IL5RA: variants seen among roughly 807,000 people sequenced by gnomAD.
IL5RA encodes interleukin-5 receptor subunit alpha.
Under a neutral mutation model 50.0 loss-of-function variants are expected in IL5RA, and 49 were observed. That is an observed-to-expected ratio of 0.98 (90% CI 0.78 to 1.24). The LOEUF (loss-of-function observed/expected upper bound fraction) is 1.24, where lower values mean the gene tolerates loss of function less well. Among genes scored for constraint, IL5RA ranks in the 50% most tolerant of loss-of-function variants. The pLI is 0.00. For missense variants in IL5RA, 600 were observed against 500.4 expected, an observed-to-expected ratio of 1.20 and a Z score of -1.90; for synonymous variants, 202 against 174.0, an observed-to-expected ratio of 1.16 and a Z score of -1.26.
At chr3:3,090,416 C>T (rs915330899) in intron 9 of IL5RA, among the ~76,000 whole-genome samples, 1 of 152,130 alleles carries the variant, frequency 6.6e-6, no homozygotes, top group Non-Finnish European at 1.5e-5. Flanking sequence ...TGTGTGCCTC[C>T]CCAGGCTGAA....
intron 11 of IL5RA, among the ~76,000 whole-genome samples, chr3:3,072,102 G>T (rs950254889): frequency 6.6e-6 from 1 of 152,206 alleles, no homozygotes; most frequent in Non-Finnish European, 1.5e-5. Context: ...TGTCACCCTT[G>T]TAGCACAGCC....
intron 7 of IL5RA, 50 bp downstream of exon 7, chr3:3,097,820 C>G: frequency 6.4e-7 from 1 of 1,566,832 alleles, no homozygotes; most frequent in Non-Finnish European, 8.7e-7. Context: ...CCTTCCAGTG[C>G]TGAGATTCCG....
At chr3:3,083,909 CG>C (rs1447736887) in intron 9 of IL5RA, among the ~76,000 whole-genome samples, 1 of 151,964 alleles carries the variant, frequency 6.6e-6, no homozygotes, top group African/African-American at 2.4e-5. Context: ...ATTAGCCAGG[CG>C]GGGTGGCATG....
intron 7 of IL5RA, among the ~76,000 whole-genome samples, chr3:3,095,731 C>A (rs539759708): frequency 1.3e-5 from 2 of 151,880 alleles, no homozygotes; most frequent in Non-Finnish European, 2.9e-5. Context: ...CAGCTCATTG[C>A]AAGACTCACC....
At chr3:3,085,036 C>T (rs1452049315) in intron 9 of IL5RA, among the ~76,000 whole-genome samples, 16 of 152,234 alleles carry the variant, frequency 1.1e-4, no homozygotes, top group Admixed American at 7.2e-4. Flanking sequence ...TGAAAGGTCC[C>T]TGTTAGGCCT....
At chr3:3,107,841 AT>A (rs1467595946) in intron 2 of IL5RA, among the ~76,000 whole-genome samples, 8 of 152,214 alleles carry the variant, frequency 5.3e-5, no homozygotes, top group Non-Finnish European at 1.2e-4. Flanking sequence ...GTTTGGTAAA[AT>A]TTTGACAATT....
Position 3,092,815 on chromosome 3 carries a change from C to T in IL5RA, c.856-453G>A, listed in dbSNP as rs1032139207. Among the ~76,000 whole-genome samples, 8 of 152,136 alleles carry T rather than the reference C, an allele frequency of 5.3e-5. No homozygotes were observed. The South Asian group carries it at 6.2e-4, about 12-fold the overall frequency. On this transcript the variant is annotated intron_variant, in intron 8 of 11. Transcript: ENST00000446632. This position sits in a 1 kb window ranked among gnomAD's most constrained non-coding sequence, Gnocchi z 4.2. ...TTTTTCCTTCTACTGATCATGGTCGCCACCATCCAGCTAGTCCCCTGTACC... is the reference window on the plus strand; with the variant it reads ...TTTTTCCTTCTACTGATCATGGTCGTCACCATCCAGCTAGTCCCCTGTACC...
intron 4 of IL5RA, 55 bp downstream of exon 4, chr3:3,102,620 C>T: frequency 8.3e-7 from 1 of 1,198,226 alleles, no homozygotes; most frequent in South Asian, 1.5e-5. Context: ...AAAGAAAATG[C>T]AGTCAAAATG....
chr3:3,082,154 C>T (rs1270187093), intron 9 of IL5RA, among the ~76,000 whole-genome samples: 2 of 152,094 alleles, frequency 1.3e-5, no homozygotes, highest in African/African-American at 4.8e-5. Context: ...AGGGAAGATC[C>T]CACTGAGAGT....
At chr3:3,101,473 C>G (rs1703650579) in intron 5 of IL5RA, among the ~76,000 whole-genome samples, 1 of 152,192 alleles carries the variant, frequency 6.6e-6, no homozygotes, top group African/African-American at 2.4e-5. Flanking sequence ...GAGGCCAATG[C>G]AGAGACAGTG....
intron 9 of IL5RA, among the ~76,000 whole-genome samples, chr3:3,079,907 G>A (rs1702608709): frequency 6.6e-6 from 1 of 152,038 alleles, no homozygotes; most frequent in African/African-American, 2.4e-5. Flanking sequence ...GGTGCCGCAT[G>A]GCTGTCATCC....
At chr3:3,105,808 A>G (rs149101356) in intron 2 of IL5RA, among the ~76,000 whole-genome samples, 2 of 152,332 alleles carry the variant, frequency 1.3e-5, no homozygotes, top group African/African-American at 4.8e-5. Context: ...CCTGTTCTAC[A>G]TGTCAAAGAG....
intron 5 of IL5RA, among the ~76,000 whole-genome samples, chr3:3,099,936 C>G (rs533131301): frequency 6.6e-6 from 1 of 152,304 alleles, no homozygotes; most frequent in Admixed American, 6.5e-5. Context: ...TCCCAAAGTG[C>G]TGGGATTACA....
At chr3:3,085,239 C>G (rs373342439) in intron 9 of IL5RA, among the ~76,000 whole-genome samples, 1 of 152,210 alleles carries the variant, frequency 6.6e-6, no homozygotes, top group South Asian at 2.1e-4. Flanking sequence ...GTGGGTCTTT[C>G]ATGTTGTTAT....
intron 5 of IL5RA, among the ~76,000 whole-genome samples, chr3:3,099,320 A>G (rs1399690596): frequency 6.6e-6 from 1 of 152,152 alleles, no homozygotes; most frequent in Non-Finnish European, 1.5e-5. Context: ...CAACATGGTG[A>G]AACCTCGTCT....
At chr3:3,102,196 T>C (rs1055501484) in intron 4 of IL5RA, among the ~76,000 whole-genome samples, 2 of 152,216 alleles carry the variant, frequency 1.3e-5, no homozygotes, top group African/African-American at 4.8e-5. Context: ...ACCTAATATG[T>C]AGCAGGTGCC....
chr3:3,102,761 A>C lies in IL5RA; in HGVS notation c.142T>G (p.Leu48Val). The change falls in exon 4 of 12, where the codon TTA becomes GTA. Residue 48 changes from leucine (L) to valine (V), a missense_variant. Transcript: ENST00000446632. The part of the protein sequence containing the change: ...IKVTGLAQVL[L>V]QWKPNPDQEQ... ...TGATCAGGATTTGGTTTCCATTGTA[A>C]AAGAACTTGAGCCAAACCAGTAACT... 2 of 1,612,084 alleles carry C rather than the reference A, an allele frequency of 1.2e-6. No homozygotes were observed. Among genetic ancestry groups the C allele is most frequent in the Non-Finnish European group, 1.7e-6 (2 of 1,178,594 alleles).
In IL5RA at chr3:3,098,019, T is replaced by C. The variant is rs760161744; in HGVS notation, c.560A>G (p.Lys187Arg). ...TGCGATATTTCTCCCCAGTGTGTCTTTGCTGTATTCTTGGCATTCTTCAGT... is the reference window on the plus strand; with the variant it reads ...TGCGATATTTCTCCCCAGTGTGTCTCTGCTGTATTCTTGGCATTCTTCAGT... Reference protein sequence around the residue: ...SWTEECQEYSKDTLGRNIACW... With the variant: ...SWTEECQEYSRDTLGRNIACW... The change falls in exon 7 of 12, where the codon AAA becomes AGA. Residue 187 changes from lysine to arginine, a missense_variant. Transcript: ENST00000446632. 1 of 1,614,216 alleles carries C rather than the reference T, an allele frequency of 6.2e-7. No homozygotes were observed. The highest frequency in any genetic ancestry group is 1.1e-5 in the South Asian group (1 of 91,082).
At chr3:3,103,843 A>G (rs62230291) in intron 3 of IL5RA, among the ~76,000 whole-genome samples, 18,258 of 152,216 alleles carry the variant, frequency 0.12, 1,313 homozygotes, top group South Asian at 0.18. Context: ...TACCACAATT[A>G]GGACGGTATT....
Sources: gnomAD v4.1 joint callset for allele counts (sites outside exome capture counted in the v4.1 genomes callset) on GRCh38, gnomAD v4.1.1 for gene constraint, Gnocchi (gnomAD v3.1) non-coding constraint, MANE v1.5 for transcripts, NCBI Gene and HGNC (gene_info 2026-07-23, HGNC 2026-07-21) for gene names.